The following VEGFA variants were observed in gnomAD, a reference collection of about 807,000 sequenced individuals.
VEGFA encodes the protein vascular endothelial growth factor A.
Under a neutral mutation model 49.7 loss-of-function variants are expected in VEGFA, and 20 were observed. The ratio of observed to expected loss-of-function variants is 0.40; its 90% CI spans 0.28 to 0.58. The LOEUF is 0.58. Among genes scored for constraint, VEGFA ranks in the 20% least tolerant of loss-of-function variants. VEGFA has a pLI of 0.40. For synonymous variants in VEGFA, 219 were observed against 223.4 expected, an observed-to-expected ratio of 0.98 and a Z score of 0.18; for missense variants, 505 against 553.5, an observed-to-expected ratio of 0.91 and a Z score of 0.88.
At position 43,779,016 on chromosome 6, in the gene VEGFA, T is replaced by G. The variant is rs1031358067; in HGVS notation, c.962+98T>G. The G allele has an allele frequency of 2.0e-6, 3 of 1,511,574 alleles. No individual in the cohort carries two copies. In the East Asian group the frequency reaches 6.8e-5, roughly 34 times the overall value. The allele number at this position is 1,511,574 out of a possible 1,614,324, so 93.6% of individuals were successfully genotyped here. A position where few individuals can be genotyped will look rare whatever the true frequency, so the allele number is the denominator to read the frequency against. On this transcript the variant is annotated intron_variant, in intron 5 of 7. Transcript: ENST00000672860. ...CTGTTGGGGGCTCCCATAGCCTCCC[T>G]GGGTCAGGGACTTGGTCTTGTGGGG... is the stretch of plus-strand genomic sequence containing the variant.
chr6:43,777,706 G>T lies in VEGFA; in HGVS notation c.855+41G>T. The T allele has an allele frequency of 2.0e-6, 2 of 981,710 alleles. No homozygotes were observed. Among genetic ancestry groups the T allele is most frequent in the Non-Finnish European group, 3.0e-6 (2 of 660,398 alleles). 60.8% of individuals were successfully genotyped at this position (981,710 alleles called of 1,614,324 possible). On this transcript the variant is annotated intron_variant, in intron 3 of 7. Transcript: ENST00000672860. This position sits in a 1 kb window ranked among gnomAD's most constrained non-coding sequence, Gnocchi z 4.3. ...AAGTGGGGCAAGGGGGGGATAGGGA[G>T]GGGGGTAACACTTTGGGAACAGGTG...
In VEGFA at chr6:43,777,617, C is replaced by G. The variant is rs116798649; in HGVS notation, c.807C>G (p.Asp269Glu). The G allele has an allele frequency of 6.2e-6, 10 of 1,613,124 alleles. No individual in the cohort carries two copies. Among genetic ancestry groups the G allele is most frequent in the Non-Finnish European group, 7.6e-6 (9 of 1,179,898 alleles). The stretch of plus-strand genomic sequence containing the variant: ...TGCGATGCGGGGGCTGCTGCAATGA[C>G]GAGGGCCTGGAGTGTGTGCCCACTG... The change falls in exon 3 of 8, where the codon GAC (aspartate) becomes GAG (glutamate). Residue 269 changes from aspartate (D) to glutamate (E), a missense_variant. By Grantham distance (45) the Asp-to-Glu change is conservative. Around this residue, in one of 2 missense-constraint regions of VEGFA, gnomAD observed 165 missense variants for 231.7 expected, o/e 0.71. Transcript: ENST00000672860. This position sits in a 1 kb window ranked among gnomAD's most constrained non-coding sequence, Gnocchi z 4.3.
In VEGFA at chr6:43,777,704, G is replaced by A. The variant is rs769752900; in HGVS notation, c.855+39G>A. 9 of 630,194 alleles carry A rather than the reference G, an allele frequency of 1.4e-5. No individual in the cohort carries two copies. The African/African-American group carries it at 1.7e-4, about 12-fold the overall frequency. The allele number at this position is 630,194 out of a possible 1,614,324, so 39.0% of individuals were successfully genotyped here. On this transcript the variant is annotated intron_variant, in intron 3 of 7. Coordinates refer to ENST00000672860, the MANE Select transcript of VEGFA (RefSeq NM_003376.6). This position sits in a 1 kb window ranked among gnomAD's most constrained non-coding sequence, Gnocchi z 4.3. ...GGAAGTGGGGCAAGGGGGGGATAGG[G>A]AGGGGGGTAACACTTTGGGAACAGG...
At chr6:43,779,634 C>CT (rs1766680206) in intron 5 of VEGFA, 33 of 458,174 alleles carry the variant, frequency 7.2e-5, no homozygotes, top group South Asian at 5.0e-4. Context: ...TGTCTGCCTC[C>CT]AGTGCTGTGC....
chr6:43,785,973 C>G lies in VEGFA; in HGVS notation c.*1411C>G, dbSNP rs1399841886. On this transcript the variant is annotated 3_prime_UTR_variant, in exon 8 of 8. Coordinates refer to ENST00000672860, the MANE Select transcript of VEGFA (RefSeq NM_003376.6). ...TATAAAATTCATGTTTCCAATCTCT[C>G]TCTCCCTGATCGGTGACAGTCACTA... The G allele has an allele frequency of 5.5e-6, 1 of 180,848 alleles. No individual in the cohort carries two copies. Among genetic ancestry groups the G allele is most frequent in the African/African-American group, 2.4e-5 (1 of 42,336 alleles). The allele number at this position is 180,848 out of a possible 1,614,324, so 11.2% of individuals were successfully genotyped here. A position where few individuals can be genotyped will look rare whatever the true frequency, so the allele number is the denominator to read the frequency against.
intron 5 of VEGFA, 142 bp from the exon 6 acceptor site, chr6:43,780,590 A>G: frequency 8.0e-7 from 1 of 1,247,016 alleles, no homozygotes; most frequent in Non-Finnish European, 1.1e-6. Flanking sequence ...CCCAGAGACC[A>G]CCTGCCTCCT....
intron 5 of VEGFA, 173 bp downstream of exon 5, chr6:43,779,091 C>A: frequency 2.5e-6 from 2 of 791,792 alleles, no homozygotes; most frequent in South Asian, 1.6e-5. Flanking sequence ...AGGATGATGG[C>A]TCTAGGGCTA....
intron 2 of VEGFA, 128 bp downstream of exon 2, chr6:43,774,520 G>C: frequency 8.7e-7 from 1 of 1,149,602 alleles, no homozygotes; most frequent in East Asian, 2.5e-5. Flanking sequence ...GATCAAGAAA[G>C]AAAGAGCTGG....
At chr6:43,780,884 C>CCCTG in intron 6 of VEGFA, 81 bp downstream of exon 6, 6 of 1,610,942 alleles carry the variant, frequency 3.7e-6, no homozygotes, top group Non-Finnish European at 5.1e-6. Flanking sequence ...TTCCCTGTAA[C>CCCTG]CCTGCCTCCC....
At chr6:43,772,972 G>A (rs904524435) in intron 1 of VEGFA, among the ~76,000 whole-genome samples, 3 of 152,134 alleles carry the variant, frequency 2.0e-5, no homozygotes, top group Non-Finnish European at 2.9e-5. Flanking sequence ...TGAAATTTCC[G>A]TCCCCTTTCC....
rs983114180 is a variant in VEGFA, at chr6:43,770,269, C to T, written c.-438C>T. On this transcript the variant is annotated 5_prime_UTR_variant, in exon 1 of 8. Transcript: ENST00000672860. ...TCGTGGCGCTGGGGGCTAGCACCAG[C>T]GCTCTGTCGGGAGGCGCAGCGGTTA... 10 of 253,686 alleles carry T rather than the reference C, an allele frequency of 3.9e-5. No individual in the cohort carries two copies. The highest frequency in any genetic ancestry group is 2.0e-4 in the African/African-American group (9 of 45,840). 15.7% of individuals were successfully genotyped at this position (253,686 alleles called of 1,614,324 possible). A position where few individuals can be genotyped will look rare whatever the true frequency, so the allele number is the denominator to read the frequency against.
rs1763458491 is a variant in VEGFA at position 43,771,327 on chromosome 6, C to T, written c.606+15C>T. 6.3e-7 allele frequency: 1 copy of T among 1,593,044 alleles called. No homozygotes were observed. Among genetic ancestry groups the T allele is most frequent in the Non-Finnish European group, 8.5e-7 (1 of 1,172,272 alleles). On this transcript the variant is annotated intron_variant, in intron 1 of 7. Transcript: ENST00000672860. ...ACCATGCCAAGGTAAGCGGTCGTGC[C>T]CTGCTGGCGCCGCGGGCCGCTGCGA...
chr6:43,777,943 C>T lies in VEGFA; in HGVS notation c.855+278C>T. The T allele has an allele frequency of 1.9e-6, 1 of 530,794 alleles. No homozygotes were observed. Among genetic ancestry groups the T allele is most frequent in the South Asian group, 2.2e-5 (1 of 45,650 alleles). 32.9% of individuals were successfully genotyped at this position (530,794 alleles called of 1,614,324 possible). ...TGCCTGTGTCAGGAGCCCCTCTCTC[C>T]CTCTCTTGGAGAGAGTCCTGAGTGC... is the stretch of plus-strand genomic sequence containing the variant. On this transcript the variant is annotated intron_variant, in intron 3 of 7. Transcript: ENST00000672860. The surrounding 1 kb of genome is among the most constrained non-coding windows in gnomAD (Gnocchi z 4.3).
At position 43,780,790 on chromosome 6, in the gene VEGFA, A is replaced by G; in HGVS notation, c.1021A>G (p.Lys341Glu). The G allele has an allele frequency of 1.2e-6, 2 of 1,613,956 alleles. No homozygotes were observed. Among genetic ancestry groups the G allele is most frequent in the Non-Finnish European group, 1.7e-6 (2 of 1,179,998 alleles). ...ACGAAAGCGCAAGAAATCCCGGTAT[A>G]AGTCCTGGAGCGTGTACGTTGGTGC... Residue 341 changes from lysine to glutamate, a missense_variant, in exon 6 of 8, where the codon AAG (lysine) becomes GAG (glutamate). Physicochemically the swap from Lys to Glu is moderately conservative, Grantham distance 56. Coordinates refer to ENST00000672860, the MANE Select transcript of VEGFA (RefSeq NM_003376.6).
In VEGFA at chr6:43,779,019, GTCAGGGAC is replaced by G. The variant is rs1422146607; in HGVS notation, c.962+103_962+110del. On this transcript the variant is annotated intron_variant, in intron 5 of 7. Coordinates refer to ENST00000672860, the MANE Select transcript of VEGFA (RefSeq NM_003376.6). The stretch of plus-strand genomic sequence containing the variant: ...TTGGGGGCTCCCATAGCCTCCCTGG[GTCAGGGAC>G]TTGGTCTTGTGGGGGACTTGTGGTG... 2.7e-6 allele frequency: 4 copies of G among 1,493,746 alleles called. No homozygotes were observed. The Admixed American group carries it at 6.7e-5, about 25-fold the overall frequency. The allele number at this position is 1,493,746 out of a possible 1,614,324, so 92.5% of individuals were successfully genotyped here. A position where few individuals can be genotyped will look rare whatever the true frequency, so the allele number is the denominator to read the frequency against.
chr6:43,771,990 G>C (rs1452944314), intron 1 of VEGFA: 2 of 984,812 alleles, frequency 2.0e-6, no homozygotes, highest in Non-Finnish European at 2.4e-6. Context: ...ACATCAGCCC[G>C]GGCCTGGCCG....
rs1766400692 is a variant in VEGFA at position 43,778,993 on chromosome 6, G to T, written c.962+75G>T. ...TGGTTTGGGGCTCTTGGCTACCTCTGTTGGGGGCTCCCATAGCCTCCCTGG... is the reference window on the plus strand; with the variant it reads ...TGGTTTGGGGCTCTTGGCTACCTCTTTTGGGGGCTCCCATAGCCTCCCTGG... On this transcript the variant is annotated intron_variant, in intron 5 of 7. Transcript: ENST00000672860. 1.1e-5 allele frequency: 17 copies of T among 1,595,042 alleles called. No homozygotes were observed. In the Admixed American group the frequency reaches 1.3e-4, roughly 13 times the overall value.
intron 2 of VEGFA, chr6:43,775,129 C>T (rs1333646320): frequency 6.5e-6 from 1 of 153,210 alleles, no homozygotes; most frequent in Non-Finnish European, 1.5e-5. Context: ...TTTCCCTGAC[C>T]TAAATCTGGC....
At chr6:43,776,306 T>A (rs972854317) in intron 2 of VEGFA, 1 of 152,232 alleles carries the variant, frequency 6.6e-6, no homozygotes, top group Non-Finnish European at 1.5e-5. Flanking sequence ...ATTTCTTCCC[T>A]CTGGGTAGGG....
Sources: gnomAD v4.1 joint callset for allele counts (sites outside exome capture counted in the v4.1 genomes callset) on GRCh38, gnomAD v4.1.1 for gene constraint, gnomAD v4.1.1 regional missense constraint, Gnocchi (gnomAD v3.1) non-coding constraint, MANE v1.5 for transcripts, NCBI Gene and HGNC (gene_info 2026-07-23, HGNC 2026-07-21) for gene names.